BMPR1B: variants seen among roughly 807,000 people sequenced by gnomAD.
BMPR1B encodes bone morphogenetic protein receptor type 1B, also known as bone morphogenetic protein receptor type-1B.
A neutral mutation model predicts 59.1 loss-of-function variants in BMPR1B; 12 were observed. The ratio of observed to expected loss-of-function variants is 0.20; its 90% CI spans 0.13 to 0.33. The LOEUF (loss-of-function observed/expected upper bound fraction) is 0.33. BMPR1B is among the 10% of genes least tolerant of loss of function. The pLI is 1.00. For missense variants in BMPR1B, 550 were observed against 610.9 expected (o/e 0.90, Z 1.05); for synonymous variants, 237 against 207.3 (o/e 1.14, Z -1.23).
chr4:94,857,109 A>C (rs1484099371), intron 1 of BMPR1B, among the ~76,000 whole-genome samples: 1 of 152,224 alleles, frequency 6.6e-6, no homozygotes, highest in East Asian at 1.9e-4. Context: ...AGAAATGAAA[A>C]GAATGAGATA....
At chr4:95,028,016 A>C (rs1180655529) in intron 3 of BMPR1B, among the ~76,000 whole-genome samples, 4 of 152,138 alleles carry the variant, frequency 2.6e-5, no homozygotes, top group African/African-American at 9.7e-5. Context: ...GGCCAAAAGC[A>C]CTTATCCCAG....
At chr4:95,026,122 C>CTT (rs1254509392) in intron 3 of BMPR1B, among the ~76,000 whole-genome samples, 1 of 144,342 alleles carries the variant, frequency 6.9e-6, no homozygotes, top group East Asian at 2.0e-4. Context: ...TTCTTTCTTT[C>CTT]TTTCTTTCTT....
intron 3 of BMPR1B, among the ~76,000 whole-genome samples, chr4:95,042,942 G>A (rs1489621616): frequency 6.6e-6 from 1 of 151,770 alleles, no homozygotes; most frequent in Non-Finnish European, 1.5e-5. Context: ...TTGGGAGGCC[G>A]AGGCGGGTGG....
chr4:95,110,673 A>T (rs1322924868), intron 4 of BMPR1B, among the ~76,000 whole-genome samples: 1 of 152,196 alleles, frequency 6.6e-6, no homozygotes, highest in Non-Finnish European at 1.5e-5. Flanking sequence ...GAAAACACTT[A>T]GGCAGCTTAT....
intron 2 of BMPR1B, among the ~76,000 whole-genome samples, chr4:94,923,142 C>G (rs141507209): frequency 5.3e-4 from 81 of 152,220 alleles, no homozygotes; most frequent in African/African-American, 1.9e-3. Context: ...TTATCTTTGT[C>G]AGACATTTTG....
At chr4:94,801,256 C>T (rs1227694166) in intron 1 of BMPR1B, among the ~76,000 whole-genome samples, 3 of 152,194 alleles carry the variant, frequency 2.0e-5, no homozygotes, top group Non-Finnish European at 4.4e-5. Flanking sequence ...AGATCATCAC[C>T]CTGGTGGTAA....
chr4:95,044,822 A>T (rs1287426469), intron 3 of BMPR1B, among the ~76,000 whole-genome samples: 1 of 152,138 alleles, frequency 6.6e-6, no homozygotes, highest in Admixed American at 6.5e-5. Flanking sequence ...TGTGGTCTTT[A>T]TAAACTCCAA....
chr4:94,867,198 G>A (rs1384566040), intron 1 of BMPR1B, among the ~76,000 whole-genome samples: 2 of 152,048 alleles, frequency 1.3e-5, no homozygotes, highest in African/African-American at 4.8e-5. Flanking sequence ...TCTCTGGATA[G>A]ATACCCCATT....
chr4:94,955,691 A>G (rs999824786), intron 2 of BMPR1B, among the ~76,000 whole-genome samples: 1 of 118,536 alleles, frequency 8.4e-6, no homozygotes, highest in Non-Finnish European at 1.9e-5. Context: ...GTGCAGTGGC[A>G]CAGTCTCGGC....
intron 1 of BMPR1B, among the ~76,000 whole-genome samples, chr4:94,777,899 A>C (rs973382405): frequency 6.6e-6 from 1 of 151,914 alleles, no homozygotes; most frequent in Non-Finnish European, 1.5e-5. Context: ...GGTGGCAGGC[A>C]CCTGTAATCC....
At chr4:94,891,874 C>G (rs905689593) in intron 2 of BMPR1B, among the ~76,000 whole-genome samples, 5 of 152,054 alleles carry the variant, frequency 3.3e-5, no homozygotes, top group Admixed American at 6.6e-5. Flanking sequence ...TATTGAGGCT[C>G]TCTTGTGTTT....
intron 2 of BMPR1B, among the ~76,000 whole-genome samples, chr4:94,880,635 ATTTT>A (rs35455973): frequency 2.4e-5 from 3 of 125,258 alleles, no homozygotes; most frequent in Admixed American, 8.2e-5. Flanking sequence ...ATTAAAATGA[ATTTT>A]TTTTTTTTTT....
intron 3 of BMPR1B, among the ~76,000 whole-genome samples, chr4:95,024,684 G>A (rs1364826050): frequency 1.3e-5 from 2 of 152,084 alleles, no homozygotes; most frequent in Non-Finnish European, 2.9e-5. Flanking sequence ...ATAGAAGACA[G>A]ACAATAAATA....
At chr4:94,841,922 C>T (rs1725101940) in intron 1 of BMPR1B, among the ~76,000 whole-genome samples, 1 of 152,096 alleles carries the variant, frequency 6.6e-6, no homozygotes, top group Admixed American at 6.6e-5. Flanking sequence ...TAGGGAGCTA[C>T]TTAAAGGGAC....
intron 2 of BMPR1B, among the ~76,000 whole-genome samples, chr4:94,966,505 A>G (rs1227203719): frequency 6.6e-6 from 1 of 152,204 alleles, no homozygotes; most frequent in Admixed American, 6.5e-5. Flanking sequence ...AAAAAGACAT[A>G]TGACTGCTTA....
chr4:95,107,784 G>C (rs1056365837), intron 4 of BMPR1B, among the ~76,000 whole-genome samples: 10 of 152,056 alleles, frequency 6.6e-5, no homozygotes, highest in African/African-American at 2.4e-4. Flanking sequence ...TCTGACATTG[G>C]TTCTGAAAGG....
intron 2 of BMPR1B, among the ~76,000 whole-genome samples, chr4:94,970,768 A>G (rs1353461462): frequency 3.9e-5 from 6 of 152,204 alleles, no homozygotes; most frequent in Non-Finnish European, 7.3e-5. Context: ...TGAAACACCT[A>G]TCATTTCTTT....
At chr4:94,834,952 T>C (rs1290498906) in intron 1 of BMPR1B, among the ~76,000 whole-genome samples, 1 of 148,194 alleles carries the variant, frequency 6.7e-6, no homozygotes, top group Non-Finnish European at 1.5e-5. Flanking sequence ...GTTTTTTTTT[T>C]TTTTAAATTT....
chr4:94,875,760 G>C (rs193168382), intron 1 of BMPR1B, 71 bp from the exon 2 acceptor site: 1 of 152,732 alleles, frequency 6.5e-6, no homozygotes, highest in Admixed American at 6.5e-5. Flanking sequence ...TTCTGCATTT[G>C]AACTGGTAAA....
Sources: gnomAD v4.1 joint callset for allele counts (sites outside exome capture counted in the v4.1 genomes callset) on GRCh38, gnomAD v4.1.1 for gene constraint, MANE v1.5 for transcripts, NCBI Gene and HGNC (gene_info 2026-07-23, HGNC 2026-07-21) for gene names.